The following CSMD1 variants were observed in gnomAD, a reference collection of about 807,000 sequenced individuals.
The protein encoded by CSMD1 is CUB and sushi domain-containing protein 1.
Under a neutral mutation model 417.5 loss-of-function variants are expected in CSMD1, and 213 were observed. The observed-to-expected ratio is 0.51, with a 90% CI of 0.46 to 0.57. The LOEUF is 0.57. CSMD1 is among the 20% of genes least tolerant of loss of function. The pLI, the probability that CSMD1 is intolerant of heterozygous loss-of-function variation, is 0.00. For missense variants in CSMD1, 6,923 were observed against 4,529.7 expected, an observed-to-expected ratio of 1.53 and a Z score of -15.17; for synonymous variants, 2,862 against 1,736.8, an observed-to-expected ratio of 1.65 and a Z score of -16.11.
chr8:4,108,607 G>T (rs763215529), intron 3 of CSMD1, among the ~76,000 whole-genome samples: 2 of 152,176 alleles, frequency 1.3e-5, no homozygotes, highest in Admixed American at 6.5e-5. Context: ...AACAGCACAG[G>T]TTCCCGGCCC....
At chr8:3,976,235 C>T (rs939139599) in intron 5 of CSMD1, among the ~76,000 whole-genome samples, 2 of 151,638 alleles carry the variant, frequency 1.3e-5, no homozygotes, top group East Asian at 3.9e-4. Context: ...ACTTTAAATA[C>T]CATTTTAAAA....
intron 26 of CSMD1, among the ~76,000 whole-genome samples, chr8:3,246,923 AAAG>A (rs1467876367): frequency 6.6e-6 from 1 of 152,202 alleles, no homozygotes; most frequent in African/African-American, 2.4e-5. Context: ...GCTGTAGAAA[AAAG>A]TGTTTTAGAA....
intron 23 of CSMD1, among the ~76,000 whole-genome samples, chr8:3,330,805 G>A (rs987318290): frequency 3.3e-5 from 5 of 152,228 alleles, no homozygotes; most frequent in South Asian, 2.1e-4. Flanking sequence ...GAATTTTGTT[G>A]CTCTCCCATG....
At chr8:3,762,799 G>T (rs552074045) in intron 5 of CSMD1, among the ~76,000 whole-genome samples, 1 of 152,332 alleles carries the variant, frequency 6.6e-6, no homozygotes, top group South Asian at 2.1e-4. Context: ...CTGAAGGCAA[G>T]GGAGAGCCAC....
intron 5 of CSMD1, among the ~76,000 whole-genome samples, chr8:3,795,880 ATCTATC>A (rs1800060597): frequency 4.1e-5 from 3 of 72,456 alleles, no homozygotes; most frequent in African/African-American, 1.5e-4. Context: ...ATAGATATAT[ATCTATC>A]ATGTACAGAT....
intron 2 of CSMD1, among the ~76,000 whole-genome samples, chr8:4,449,672 G>T (rs1030038968): frequency 2.0e-5 from 3 of 152,120 alleles, no homozygotes; most frequent in Non-Finnish European, 4.4e-5. Flanking sequence ...AGCCTGAGAG[G>T]AATGGGATGG....
At chr8:3,202,189 A>G (rs1208657459) in intron 31 of CSMD1, among the ~76,000 whole-genome samples, 2 of 152,208 alleles carry the variant, frequency 1.3e-5, no homozygotes, top group Admixed American at 6.5e-5. Flanking sequence ...GAATATCTGT[A>G]AAGACTTCCC....
intron 3 of CSMD1, among the ~76,000 whole-genome samples, chr8:4,263,176 G>T (rs1435630097): frequency 6.6e-6 from 1 of 151,284 alleles, no homozygotes; most frequent in Non-Finnish European, 1.5e-5. Flanking sequence ...CTGACTAGCT[G>T]TGTATTCTAG....
At chr8:3,700,848 G>A (rs1800820087) in intron 7 of CSMD1, among the ~76,000 whole-genome samples, 1 of 152,138 alleles carries the variant, frequency 6.6e-6, no homozygotes, top group Non-Finnish European at 1.5e-5. Context: ...CGTTCTGCCT[G>A]TGACGGGAAA....
At chr8:4,217,794 C>A (rs1585041945) in intron 3 of CSMD1, among the ~76,000 whole-genome samples, 1 of 152,094 alleles carries the variant, frequency 6.6e-6, no homozygotes, top group Non-Finnish European at 1.5e-5. Flanking sequence ...TAAGAGACCA[C>A]AGAGTATGAG....
chr8:3,632,629 A>T (rs1796842053), intron 7 of CSMD1, among the ~76,000 whole-genome samples: 1 of 152,200 alleles, frequency 6.6e-6, no homozygotes. Flanking sequence ...CTCCTGAAAG[A>T]ATTCCTTTAC....
intron 5 of CSMD1, among the ~76,000 whole-genome samples, chr8:3,910,398 G>A (rs1446870369): frequency 6.6e-6 from 1 of 152,156 alleles, no homozygotes; most frequent in African/African-American, 2.4e-5. Flanking sequence ...TGAAGATGCT[G>A]CCCTGTCTGC....
intron 59 of CSMD1, among the ~76,000 whole-genome samples, 172 bp from the exon 60 acceptor site, chr8:2,963,567 AT>A (rs1270758338): frequency 6.6e-6 from 1 of 152,224 alleles, no homozygotes; most frequent in Non-Finnish European, 1.5e-5. Flanking sequence ...ATAACAAAAT[AT>A]TTTTTAGAAT....
At chr8:3,904,467 A>C (rs1340900916) in intron 5 of CSMD1, among the ~76,000 whole-genome samples, 2 of 152,144 alleles carry the variant, frequency 1.3e-5, no homozygotes, top group Non-Finnish European at 2.9e-5. Context: ...CAGTAAATGC[A>C]CATTTGGCCA....
intron 7 of CSMD1, among the ~76,000 whole-genome samples, chr8:3,641,156 C>T (rs1370149070): frequency 6.7e-6 from 1 of 149,006 alleles, no homozygotes; most frequent in Non-Finnish European, 1.5e-5. Flanking sequence ...TTCTCTGAAT[C>T]TGCACATGTA....
chr8:4,891,762 G>C (rs1488148178), intron 1 of CSMD1, among the ~76,000 whole-genome samples: 1 of 152,030 alleles, frequency 6.6e-6, no homozygotes, highest in African/African-American at 2.4e-5. Context: ...AAACTCCCTA[G>C]TTATTTCAGT....
At chr8:3,424,092 C>T (rs573090881) in intron 12 of CSMD1, among the ~76,000 whole-genome samples, 1 of 152,028 alleles carries the variant, frequency 6.6e-6, no homozygotes, top group Non-Finnish European at 1.5e-5. Context: ...ACCCATTATT[C>T]AATTATAAGT....
At chr8:4,177,153 A>G (rs1798094749) in intron 3 of CSMD1, among the ~76,000 whole-genome samples, 1 of 152,164 alleles carries the variant, frequency 6.6e-6, no homozygotes, top group Non-Finnish European at 1.5e-5. Context: ...CACCACACCT[A>G]TTCCAAAATT....
At position 3,831,510 on chromosome 8, in the gene CSMD1, A is replaced by G. The variant is rs77758775; in HGVS notation, c.819-77468T>C. On this transcript the variant is annotated intron_variant, in intron 5 of 69. Transcript: ENST00000635120. ...AAGCCCACAGTGTAGATGCTTAAAA[A>G]TTAATTTTGGAGAACAGGCTGGAGG... 2.6e-3 allele frequency among the ~76,000 whole-genome samples: 387 copies of G among 151,744 alleles called. 1 individual carries two copies. Among genetic ancestry groups the G allele is most frequent in the African/African-American group, 8.3e-3 (344 of 41,308 alleles).
Sources: gnomAD v4.1 joint callset for allele counts (sites outside exome capture counted in the v4.1 genomes callset) on GRCh38, gnomAD v4.1.1 for gene constraint, MANE v1.5 for transcripts, NCBI Gene and HGNC (gene_info 2026-07-23, HGNC 2026-07-21) for gene names.